The following PARN variants were observed in gnomAD, a reference collection of about 807,000 sequenced individuals.
The protein encoded by PARN is poly(A)-specific ribonuclease.
Under a neutral mutation model 102.8 loss-of-function variants are expected in PARN, and 71 were observed. The observed-to-expected ratio is 0.69, with a 90% CI of 0.57 to 0.84. The LOEUF (loss-of-function observed/expected upper bound fraction) is 0.84. PARN is among the 40% of genes least tolerant of loss of function. The pLI is 0.00. For synonymous variants in PARN, 261 were observed against 252.9 expected, an observed-to-expected ratio of 1.03 and a Z score of -0.30; for missense variants, 782 against 760.9, an observed-to-expected ratio of 1.03 and a Z score of -0.33.
chr16:14,529,995 G>A (rs891207765), intron 21 of PARN, among the ~76,000 whole-genome samples: 2 of 152,056 alleles, frequency 1.3e-5, no homozygotes, highest in African/African-American at 2.4e-5. Context: ...AGAGACCCCA[G>A]CAGCTGGTTT....
intron 21 of PARN, among the ~76,000 whole-genome samples, chr16:14,514,861 C>T (rs1230021529): frequency 6.6e-6 from 1 of 152,142 alleles, no homozygotes; most frequent in Non-Finnish European, 1.5e-5. Context: ...CTGGAATAAG[C>T]AAGCATATAG....
intron 5 of PARN, among the ~76,000 whole-genome samples, chr16:14,618,055 C>G (rs914739005): frequency 2.6e-5 from 4 of 152,122 alleles, no homozygotes; most frequent in African/African-American, 9.7e-5. Context: ...GGCACAGTGG[C>G]TCATGCCTGT....
intron 21 of PARN, among the ~76,000 whole-genome samples, chr16:14,498,569 G>C (rs903988743): frequency 2.0e-5 from 3 of 151,886 alleles, no homozygotes; most frequent in African/African-American, 7.3e-5. Flanking sequence ...CATCATACAC[G>C]ATCTGTCACC....
chr16:14,439,964 G>A (rs868431671), intron 23 of PARN, among the ~76,000 whole-genome samples: 4 of 152,096 alleles, frequency 2.6e-5, no homozygotes, highest in Non-Finnish European at 4.4e-5. Flanking sequence ...GCAGTGAGCC[G>A]AAATCGTGCC....
intron 21 of PARN, among the ~76,000 whole-genome samples, chr16:14,496,570 T>C (rs1393590554): frequency 1.3e-5 from 2 of 152,208 alleles, no homozygotes; most frequent in African/African-American, 4.8e-5. Flanking sequence ...TTCTTCACAC[T>C]TCATGGCAGA....
intron 21 of PARN, among the ~76,000 whole-genome samples, chr16:14,514,453 TG>T (rs1408445294): frequency 6.6e-6 from 1 of 152,174 alleles, no homozygotes; most frequent in East Asian, 1.9e-4. Context: ...CCCAAAGTGC[TG>T]GGATTACAGG....
chr16:14,582,425 C>A, intron 16 of PARN, 134 bp from the exon 17 acceptor site: 1 of 651,336 alleles, frequency 1.5e-6, no homozygotes, highest in Non-Finnish European at 2.8e-6. Flanking sequence ...TTCCTTAATT[C>A]TCTCTATATA....
At chr16:14,445,227 A>T (rs1961145186) in intron 23 of PARN, among the ~76,000 whole-genome samples, 1 of 152,068 alleles carries the variant, frequency 6.6e-6, no homozygotes, top group Non-Finnish European at 1.5e-5. Context: ...TTCAAACACA[A>T]GTTTAAGTTT....
intron 21 of PARN, among the ~76,000 whole-genome samples, chr16:14,492,342 G>A (rs1964100917): frequency 6.6e-6 from 1 of 152,204 alleles, no homozygotes; most frequent in Non-Finnish European, 1.5e-5. Flanking sequence ...TCAAGGAAAG[G>A]AAGCAGGCTC....
intron 7 of PARN, among the ~76,000 whole-genome samples, chr16:14,610,271 G>C (rs980597324): frequency 6.6e-6 from 1 of 152,014 alleles, no homozygotes. Context: ...CCAGGAGTTC[G>C]AGACCAGCGT....
intron 5 of PARN, among the ~76,000 whole-genome samples, chr16:14,624,421 C>T (rs1029966580): frequency 2.0e-5 from 3 of 152,154 alleles, no homozygotes; most frequent in East Asian, 1.9e-4. Flanking sequence ...TAGAGAATCC[C>T]GGCATTTTTA....
chr16:14,436,993 G>A (rs1255940413), intron 23 of PARN, among the ~76,000 whole-genome samples: 1 of 152,170 alleles, frequency 6.6e-6, no homozygotes, highest in Non-Finnish European at 1.5e-5. Context: ...ATGGGGGCGC[G>A]GAGGAAGCAC....
intron 22 of PARN, among the ~76,000 whole-genome samples, chr16:14,482,134 CA>C (rs759646764): frequency 6.6e-6 from 1 of 152,208 alleles, no homozygotes; most frequent in Admixed American, 6.5e-5. Context: ...CAGTGGTTCA[CA>C]CCTGTAATTC....
At chr16:14,478,695 C>G (rs1963208713) in intron 22 of PARN, among the ~76,000 whole-genome samples, 1 of 152,094 alleles carries the variant, frequency 6.6e-6, no homozygotes, top group Non-Finnish European at 1.5e-5. Flanking sequence ...CATAGAAAAC[C>G]TTATGGAATA....
At chr16:14,599,375 A>G (rs1332093513) in intron 12 of PARN, among the ~76,000 whole-genome samples, 1 of 152,114 alleles carries the variant, frequency 6.6e-6, no homozygotes, top group Non-Finnish European at 1.5e-5. Context: ...CAAAGCAAGG[A>G]AAAACACCCA....
rs1967335549 is a variant in PARN at position 14,552,021 on chromosome 16, C to A, written c.1480G>T (p.Ala494Ser). The stretch of plus-strand genomic sequence containing the variant: ...CAAAACAGAAATCCAAAACACTTAC[C>A]AATCTTTACTTGCTCGGGCTGGCTA... ...SLSQPEQVKI[A>S]VNTSKYAESY... Residue 494 changes from alanine (A) to serine (S), a missense_variant and splice_region_variant, in exon 21 of 24, where the codon GCT becomes TCT. By Grantham distance (99) the Ala-to-Ser change is moderately conservative. Transcript: ENST00000437198. The A allele has an allele frequency of 6.2e-7, 1 of 1,605,740 alleles. No individual in the cohort carries two copies. The highest frequency in any genetic ancestry group is 1.1e-5 in the South Asian group (1 of 90,692).
intron 21 of PARN, among the ~76,000 whole-genome samples, chr16:14,513,542 G>T (rs1965308649): frequency 6.6e-6 from 1 of 152,168 alleles, no homozygotes; most frequent in Admixed American, 6.5e-5. Flanking sequence ...AGTTCACTAA[G>T]AGCAAAATCT....
intron 21 of PARN, among the ~76,000 whole-genome samples, chr16:14,520,464 A>C (rs923050391): frequency 8.5e-5 from 13 of 152,108 alleles, no homozygotes; most frequent in Middle Eastern, 3.2e-3. Flanking sequence ...ATGGTGGCTC[A>C]TGCCTGTAAT....
intron 21 of PARN, among the ~76,000 whole-genome samples, chr16:14,529,648 T>G (rs1274245487): frequency 6.6e-6 from 1 of 152,140 alleles, no homozygotes; most frequent in Non-Finnish European, 1.5e-5. Flanking sequence ...AGTCCAAATT[T>G]GATGGCCAGC....
Sources: allele counts gnomAD v4.1 joint callset (sites outside exome capture counted in the v4.1 genomes callset), GRCh38; gene constraint gnomAD v4.1.1; transcripts MANE v1.5; gene names NCBI Gene and HGNC (gene_info 2026-07-23, HGNC 2026-07-21).